DOCK5: variants seen among roughly 807,000 people sequenced by gnomAD.
The protein encoded by DOCK5 is dedicator of cytokinesis protein 5.
Under a neutral mutation model 251.8 loss-of-function variants are expected in DOCK5, and 142 were observed. The ratio of observed to expected loss-of-function variants is 0.56; its 90% CI spans 0.49 to 0.65. The LOEUF (loss-of-function observed/expected upper bound fraction) is 0.65, where lower values mean the gene tolerates loss of function less well. DOCK5 is among the 30% of genes least tolerant of loss of function. DOCK5 has a pLI of 0.00. For missense variants in DOCK5, 2,111 were observed against 2,312.3 expected, an observed-to-expected ratio of 0.91 and a Z score of 1.79; for synonymous variants, 842 against 835.5, an observed-to-expected ratio of 1.01 and a Z score of -0.13.
intron 1 of DOCK5, among the ~76,000 whole-genome samples, chr8:25,197,570 T>A (rs75899010): frequency 8.1e-6 from 1 of 122,840 alleles, no homozygotes; most frequent in African/African-American, 2.9e-5. Context: ...GGATCGTGTC[T>A]TTGTCTTTTT....
At chr8:25,374,093 C>T (rs1287169092) in intron 36 of DOCK5, among the ~76,000 whole-genome samples, 1 of 152,140 alleles carries the variant, frequency 6.6e-6, no homozygotes, top group African/African-American at 2.4e-5. Flanking sequence ...AAACATTAAA[C>T]ACCACTGCCT....
chr8:25,208,038 C>T (rs527996335), intron 1 of DOCK5, among the ~76,000 whole-genome samples: 53 of 152,164 alleles, frequency 3.5e-4, no homozygotes, highest in Non-Finnish European at 6.2e-4. Flanking sequence ...TCATGGATGA[C>T]TTTGAGGGGT....
intron 50 of DOCK5, 112 bp from the exon 51 acceptor site, chr8:25,409,986 CT>C: frequency 1.2e-6 from 1 of 800,352 alleles, no homozygotes; most frequent in Non-Finnish European, 2.0e-6. Flanking sequence ...TAGAATGTGG[CT>C]TTCATCAGTT....
At chr8:25,379,493 G>T (rs1205555360) in intron 38 of DOCK5, among the ~76,000 whole-genome samples, 2 of 152,086 alleles carry the variant, frequency 1.3e-5, no homozygotes, top group African/African-American at 4.8e-5. Flanking sequence ...GTCTTCCCTT[G>T]TTCCCAAAAA....
At chr8:25,360,482 G>A (rs569292199) in intron 28 of DOCK5, among the ~76,000 whole-genome samples, 3 of 152,182 alleles carry the variant, frequency 2.0e-5, no homozygotes, top group Non-Finnish European at 2.9e-5. Flanking sequence ...CTACAGGCAG[G>A]TGGTGTAGCG....
chr8:25,349,253 G>A (rs1480320090), intron 26 of DOCK5, among the ~76,000 whole-genome samples: 1 of 152,106 alleles, frequency 6.6e-6, no homozygotes, highest in East Asian at 1.9e-4. Flanking sequence ...TACACTGCTG[G>A]GGGAATGCAA....
At chr8:25,403,439 C>A in intron 47 of DOCK5, 119 bp from the exon 48 acceptor site, 1 of 1,034,248 alleles carries the variant, frequency 9.7e-7, no homozygotes, top group Non-Finnish European at 1.4e-6. Flanking sequence ...GAATGGGGTG[C>A]CAGCCACATA....
chr8:25,256,389 AAC>A (rs1803420852), intron 2 of DOCK5, among the ~76,000 whole-genome samples: 1 of 152,186 alleles, frequency 6.6e-6, no homozygotes, highest in African/African-American at 2.4e-5. Context: ...CTGTAATCCC[AAC>A]ACTTTGGGAG....
chr8:25,308,806 G>A lies in DOCK5; in HGVS notation c.1073G>A (p.Arg358His), dbSNP rs572079060. 19 of 1,613,512 alleles carry A rather than the reference G, an allele frequency of 1.2e-5. No homozygotes were observed. The Admixed American group carries it at 1.8e-4, about 16-fold the overall frequency. ...AGAATTGCGATGGAAACCTACATCCGCCAGAGGCAGCTCATCATGTCGCCT... is the reference window on the plus strand; with the variant it reads ...AGAATTGCGATGGAAACCTACATCCACCAGAGGCAGCTCATCATGTCGCCT... Reference protein sequence around the residue: ...FQQIAMETYIRQRQLIMSPLI... With the variant: ...FQQIAMETYIHQRQLIMSPLI... Residue 358 changes from arginine (R) to histidine (H), a missense_variant, in exon 12 of 52, where the codon CGC becomes CAC. This residue lies in a region of DOCK5 where 1,717 missense variants were observed against 1,892.4 expected (regional missense o/e 0.91). Transcript: ENST00000276440.
In DOCK5 at chr8:25,321,066, C is replaced by A; in HGVS notation, c.1615+14C>A. 6.2e-7 allele frequency: 1 copy of A among 1,609,858 alleles called. No individual in the cohort carries two copies. ...CATCTCAGGAAAGTAAGTATTAAGACGTCTATGACATATTTCCACTTAAAA... is the reference window on the plus strand; with the variant it reads ...CATCTCAGGAAAGTAAGTATTAAGAAGTCTATGACATATTTCCACTTAAAA... On this transcript the variant is annotated intron_variant, in intron 16 of 51. Transcript: ENST00000276440.
chr8:25,193,396 A>G (rs954164345), intron 1 of DOCK5, among the ~76,000 whole-genome samples: 4 of 144,054 alleles, frequency 2.8e-5, no homozygotes, highest in Non-Finnish European at 6.0e-5. Flanking sequence ...TTTTTTTTGC[A>G]TTTAGGTACT....
chr8:25,344,179 A>G (rs930039992), intron 25 of DOCK5, among the ~76,000 whole-genome samples: 10 of 152,154 alleles, frequency 6.6e-5, no homozygotes, highest in African/African-American at 2.4e-4. Flanking sequence ...GGAGTGGGGC[A>G]TGGAGGGGAA....
intron 1 of DOCK5, among the ~76,000 whole-genome samples, chr8:25,238,217 T>G (rs957689922): frequency 2.6e-5 from 4 of 152,216 alleles, no homozygotes; most frequent in African/African-American, 9.6e-5. Context: ...GGGCATATCT[T>G]CACCACTATG....
chr8:25,355,653 T>C (rs1800554295), intron 27 of DOCK5, among the ~76,000 whole-genome samples: 1 of 152,090 alleles, frequency 6.6e-6, no homozygotes, highest in Non-Finnish European at 1.5e-5. Flanking sequence ...TTTTGCCATG[T>C]TGGCCGGGCT....
intron 3 of DOCK5, chr8:25,271,136 C>T (rs191701883): frequency 9.9e-5 from 30 of 302,312 alleles, no homozygotes; most frequent in African/African-American, 5.4e-4. Flanking sequence ...AGATAGGGTT[C>T]CCCCAGGATC....
chr8:25,247,610 A>AG (rs1262414647), intron 2 of DOCK5, among the ~76,000 whole-genome samples: 1 of 148,510 alleles, frequency 6.7e-6, no homozygotes, highest in South Asian at 2.1e-4. Context: ...GAAAAAAAAA[A>AG]GTAATTTTAA....
intron 5 of DOCK5, among the ~76,000 whole-genome samples, chr8:25,289,400 C>A (rs971022488): frequency 6.6e-6 from 1 of 151,710 alleles, no homozygotes; most frequent in African/African-American, 2.4e-5. Context: ...GATCCTCTTG[C>A]CTCGGCCTCC....
rs1563309184 is a variant in DOCK5, at chr8:25,210,043, T to TATATAA, written c.43+25092_43+25093insATATAA. On this transcript the variant is annotated intron_variant, in intron 1 of 51. Coordinates refer to ENST00000276440, the MANE Select transcript of DOCK5 (RefSeq NM_024940.8). ...ATATATATATATATATAAATGTGTG[T>TATATAA]GTGTGTGTGTGTGTGTGTGTGTGTG... Among the ~76,000 whole-genome samples, 76 of 25,198 alleles carry TATATAA rather than the reference T, an allele frequency of 3.0e-3. 28 individuals carry two copies. Among genetic ancestry groups the TATATAA allele is most frequent in the Middle Eastern group, 0.038 (2 of 52 alleles). The allele number at this position is 25,198 out of a possible 152,430, so 16.5% of individuals were successfully genotyped here.
intron 1 of DOCK5, among the ~76,000 whole-genome samples, chr8:25,186,938 G>T (rs559609320): frequency 6.6e-6 from 1 of 151,918 alleles, no homozygotes. Context: ...GATGGCTCAC[G>T]TCTGTAATCC....
Sources: allele counts gnomAD v4.1 joint callset (sites outside exome capture counted in the v4.1 genomes callset), GRCh38; gene constraint gnomAD v4.1.1; regional missense constraint gnomAD v4.1.1; transcripts MANE v1.5; gene names NCBI Gene and HGNC (gene_info 2026-07-23, HGNC 2026-07-21).